ANTXR1: variants seen among roughly 807,000 people sequenced by gnomAD.
ANTXR1 encodes anthrax toxin receptor 1.
In ANTXR1, 19 loss-of-function variants were observed where a neutral mutation model predicts 78.1. The observed-to-expected ratio is 0.24, with a 90% confidence interval of 0.17 to 0.36. ANTXR1 has a LOEUF of 0.36. ANTXR1 is among the 10% of genes least tolerant of loss of function. The pLI, the probability that ANTXR1 is intolerant of heterozygous loss-of-function variation, is 1.00. For missense variants in ANTXR1, 518 were observed against 718.6 expected, an observed-to-expected ratio of 0.72 and a Z score of 3.19; for synonymous variants, 273 against 260.5, an observed-to-expected ratio of 1.05 and a Z score of -0.46.
chr2:69,171,438 G>T (rs143517248), intron 14 of ANTXR1, among the ~76,000 whole-genome samples: 5 of 152,306 alleles, frequency 3.3e-5, no homozygotes, highest in Admixed American at 6.5e-5. Flanking sequence ...CTAGTTCCAC[G>T]ACTGCAATTG....
chr2:69,154,444 G>T (rs551104729), intron 13 of ANTXR1, among the ~76,000 whole-genome samples: 1 of 152,238 alleles, frequency 6.6e-6, no homozygotes, highest in South Asian at 2.1e-4. Context: ...TCCAGAGCAG[G>T]GCAGATTAAG....
intron 3 of ANTXR1, among the ~76,000 whole-genome samples, chr2:69,069,668 A>G (rs1242069049): frequency 6.6e-6 from 1 of 152,210 alleles, no homozygotes; most frequent in Non-Finnish European, 1.5e-5. Flanking sequence ...CTTACCTGTA[A>G]TGTAAGGACA....
At chr2:69,121,443 T>C (rs1672343479) in intron 10 of ANTXR1, among the ~76,000 whole-genome samples, 1 of 152,168 alleles carries the variant, frequency 6.6e-6, no homozygotes, top group Admixed American at 6.5e-5. Context: ...CCTCCCTAAC[T>C]TTTCACCACT....
intron 17 of ANTXR1, among the ~76,000 whole-genome samples, chr2:69,213,225 T>C (rs1675090444): frequency 6.6e-6 from 1 of 152,166 alleles, no homozygotes; most frequent in Non-Finnish European, 1.5e-5. Context: ...AGGAGGGGCC[T>C]AAAAGCCACA....
chr2:69,235,047 G>T (rs1675720904), intron 17 of ANTXR1, among the ~76,000 whole-genome samples: 1 of 137,166 alleles, frequency 7.3e-6, no homozygotes, highest in African/African-American at 2.7e-5. Context: ...TTTTGAGACG[G>T]AGTTTCACTC....
chr2:69,077,799 C>T (rs1258341085), intron 8 of ANTXR1, among the ~76,000 whole-genome samples: 7 of 152,338 alleles, frequency 4.6e-5, no homozygotes, highest in African/African-American at 1.2e-4. Context: ...CGCTTGACCA[C>T]CTCAGCTTTC....
chr2:69,074,284 G>C (rs1041292583), intron 6 of ANTXR1, among the ~76,000 whole-genome samples: 6 of 152,174 alleles, frequency 3.9e-5, no homozygotes, highest in Admixed American at 3.3e-4. Context: ...CTCTATATTT[G>C]AAAGTAGAAA....
At chr2:69,220,744 G>A (rs1220974862) in intron 17 of ANTXR1, among the ~76,000 whole-genome samples, 1 of 152,196 alleles carries the variant, frequency 6.6e-6, no homozygotes, top group East Asian at 1.9e-4. Context: ...GACAGGGTCA[G>A]TTGTCTTCTC....
rs1054923398 is a variant in ANTXR1, at chr2:69,013,765, A to C, written c.152+114A>C. 6.6e-7 allele frequency: 1 copy of C among 1,508,092 alleles called. No homozygotes were observed. The highest frequency in any genetic ancestry group is 9.0e-7 in the Non-Finnish European group (1 of 1,110,540). The allele number at this position is 1,508,092 out of a possible 1,614,324, so 93.4% of individuals were successfully genotyped here. A position where few individuals can be genotyped will look rare whatever the true frequency, so the allele number is the denominator to read the frequency against. On this transcript the variant is annotated intron_variant, in intron 1 of 17. Coordinates refer to ENST00000303714, the MANE Select transcript of ANTXR1 (RefSeq NM_032208.3). This position sits in a 1 kb window ranked among gnomAD's most constrained non-coding sequence, Gnocchi z 5.0. ...GGGACAGGAGCGCATCTCCAGGGCCACAGAGGGACCGCGCGGCAGGCGGCG... is the reference window on the plus strand; with the variant it reads ...GGGACAGGAGCGCATCTCCAGGGCCCCAGAGGGACCGCGCGGCAGGCGGCG...
intron 17 of ANTXR1, among the ~76,000 whole-genome samples, chr2:69,239,194 T>C (rs568873987): frequency 5.3e-5 from 8 of 152,174 alleles, no homozygotes; most frequent in Non-Finnish European, 8.8e-5. Context: ...CCAAACTAAT[T>C]AGTATAAAGA....
At chr2:69,021,096 A>T (rs936630341) in intron 1 of ANTXR1, among the ~76,000 whole-genome samples, 1 of 152,192 alleles carries the variant, frequency 6.6e-6, no homozygotes, top group African/African-American at 2.4e-5. Flanking sequence ...ATAAGAAGTA[A>T]CATTTACTGA....
At chr2:69,077,131 T>G in intron 7 of ANTXR1, 1 of 517,274 alleles carries the variant, frequency 1.9e-6, no homozygotes, top group East Asian at 3.4e-5. Context: ...AGGCCAAGCG[T>G]TCATCAAGCT....
Position 69,124,628 on chromosome 2 carries a change from C to G in ANTXR1, c.936C>G (p.Ile312Met), listed in dbSNP as rs1316252753. 6.2e-7 allele frequency: 1 copy of G among 1,614,072 alleles called. No individual in the cohort carries two copies. The highest frequency in any genetic ancestry group is 8.5e-7 in the Non-Finnish European group (1 of 1,179,982). ...CTTTTATCTCCAGTTCTGTCATCAT[C>G]ACCACCACACACTGTGTAAGTCATA... The part of the protein sequence containing the change: ...GLSFISSSVI[I>M]TTTHCSDGSI... The change falls in exon 12 of 18, where the codon ATC becomes ATG. Residue 312 changes from isoleucine (I) to methionine (M), a missense_variant. By Grantham distance (10) the Ile-to-Met change is conservative. Coordinates refer to ENST00000303714, the MANE Select transcript of ANTXR1 (RefSeq NM_032208.3).
chr2:69,207,812 C>T (rs1161043243), intron 17 of ANTXR1, among the ~76,000 whole-genome samples: 1 of 152,132 alleles, frequency 6.6e-6, no homozygotes, highest in Non-Finnish European at 1.5e-5. Context: ...TAAAGATATG[C>T]TGACAATTTG....
At chr2:69,183,174 A>T (rs1674321590) in intron 16 of ANTXR1, among the ~76,000 whole-genome samples, 1 of 152,156 alleles carries the variant, frequency 6.6e-6, no homozygotes, top group African/African-American at 2.4e-5. Context: ...TTTTGCCATA[A>T]TATAAGCCCA....
intron 3 of ANTXR1, among the ~76,000 whole-genome samples, chr2:69,065,424 C>CAAAA (rs34601328): frequency 0.035 from 2,348 of 66,694 alleles, 143 homozygotes; most frequent in East Asian, 0.18. Flanking sequence ...GACTCCGTCT[C>CAAAA]AAAAAAAAAA....
chr2:69,128,227 G>GAAAA (rs199694251), intron 12 of ANTXR1, among the ~76,000 whole-genome samples: 17 of 139,204 alleles, frequency 1.2e-4, no homozygotes, highest in South Asian at 9.2e-4. Flanking sequence ...TCCATCTCTG[G>GAAAA]AAAAAAAAAA....
intron 17 of ANTXR1, among the ~76,000 whole-genome samples, chr2:69,211,379 G>C (rs545763254): frequency 1.1e-4 from 17 of 152,312 alleles, no homozygotes; most frequent in African/African-American, 4.1e-4. Flanking sequence ...AACTGTGCCA[G>C]CAGGTGTTGG....
chr2:69,058,691 A>G (rs1014384603), intron 3 of ANTXR1, among the ~76,000 whole-genome samples: 4 of 152,156 alleles, frequency 2.6e-5, no homozygotes, highest in African/African-American at 9.7e-5. Context: ...AGTAATTTAG[A>G]TTTTCAAGTC....
Sources: allele counts gnomAD v4.1 joint callset (sites outside exome capture counted in the v4.1 genomes callset), GRCh38; gene constraint gnomAD v4.1.1; non-coding constraint Gnocchi (gnomAD v3.1); transcripts MANE v1.5; gene names NCBI Gene and HGNC (gene_info 2026-07-23, HGNC 2026-07-21).